The following CCDC27 variants were observed in gnomAD, a reference collection of about 807,000 sequenced individuals.
CCDC27 encodes coiled-coil domain-containing protein 27.
A neutral mutation model predicts 80.3 loss-of-function variants in CCDC27; 80 were observed. The ratio of observed to expected loss-of-function variants is 1.00; its 90% CI spans 0.83 to 1.20. The LOEUF is 1.20. CCDC27 is among the 50% of genes most tolerant of loss of function. The pLI is 0.00. For missense variants in CCDC27, 815 were observed against 809.4 expected, an observed-to-expected ratio of 1.01 and a Z score of -0.08; for synonymous variants, 342 against 334.3, an observed-to-expected ratio of 1.02 and a Z score of -0.25.
rs570867373 is a variant in CCDC27 at position 3,769,349 on chromosome 1, C to T, written c.1744-434C>T. ...CATGGAAAGGAGGAAGCACCAGCAG[C>T]GCACTGTTAAATGCCTAAAGTGAGA... On this transcript the variant is annotated intron_variant, in intron 10 of 11. Transcript: ENST00000294600. The surrounding 1 kb of genome is among the most constrained non-coding windows in gnomAD (Gnocchi z 4.6). Among the ~76,000 whole-genome samples the T allele has an allele frequency of 3.3e-5, 5 of 152,258 alleles. No homozygotes were observed. Among genetic ancestry groups the T allele is most frequent in the African/African-American group, 9.6e-5 (4 of 41,552 alleles).
chr1:3,767,398 C>T lies in CCDC27; in HGVS notation c.1696C>T (p.Gln566Ter). Residue 566 changes from glutamine to a stop codon, truncating the protein, a stop_gained, in exon 10 of 12, where the codon CAG (glutamine) becomes TAG (stop). Coordinates refer to ENST00000294600, the MANE Select transcript of CCDC27 (RefSeq NM_152492.3). LOFTEE classifies it high-confidence loss of function. ...GCAGAGCAAGAAGGAGATGATTCAG[C>T]AGGCAGAGCAGCACACCCGCGTGGC... ...DLQSKKEMIQ[Q>*]AEQHTRVALE... is the part of the protein sequence containing the mutation. The T allele has an allele frequency of 1.2e-6, 2 of 1,613,624 alleles. No individual in the cohort carries two copies. The highest frequency in any genetic ancestry group is 1.7e-6 in the Non-Finnish European group (2 of 1,180,022).
chr1:3,763,913 CAGGCGCTG>C lies in CCDC27; in HGVS notation c.1452+78_1452+85del. 1 of 1,551,542 alleles carries C rather than the reference CAGGCGCTG, an allele frequency of 6.4e-7. No individual in the cohort carries two copies. On this transcript the variant is annotated intron_variant, in intron 8 of 11. Transcript: ENST00000294600. The surrounding 1 kb of genome is among the most constrained non-coding windows in gnomAD (Gnocchi z 7.5). ...TTCATTAACCCCCGGCAGCTCGGGG[CAGGCGCTG>C]CCCGTCCCATCTACTGATGGAGACT...
Position 3,752,474 on chromosome 1 carries a change from G to T in CCDC27, c.-8G>T. ...TGATCTCCTCCCACTGCACCAGCCA[G>T]CAGGTTCATGTTCGAGGCCATCTTC... On this transcript the variant is annotated 5_prime_UTR_variant, in exon 1 of 12. Transcript: ENST00000294600. 1 of 1,613,020 alleles carries T rather than the reference G, an allele frequency of 6.2e-7. No individual in the cohort carries two copies. Among genetic ancestry groups the T allele is most frequent in the South Asian group, 1.1e-5 (1 of 91,050 alleles).
In CCDC27 at chr1:3,769,757, T is replaced by C; in HGVS notation, c.1744-26T>C. The C allele has an allele frequency of 6.4e-7, 1 of 1,566,778 alleles. No homozygotes were observed. Among genetic ancestry groups the C allele is most frequent in the South Asian group, 1.1e-5 (1 of 90,160 alleles). On this transcript the variant is annotated intron_variant, in intron 10 of 11. Transcript: ENST00000294600. The surrounding 1 kb of genome is among the most constrained non-coding windows in gnomAD (Gnocchi z 4.6). The stretch of plus-strand genomic sequence containing the variant: ...AGGTGCCTTCTTGGGTAAAGGCGAA[T>C]GATAGTGTTGTCCCTTTGCTCACAG...
chr1:3,759,206 G>T (rs1643031541), intron 4 of CCDC27, among the ~76,000 whole-genome samples: 1 of 147,774 alleles, frequency 6.8e-6, no homozygotes, highest in African/African-American at 2.5e-5. Context: ...GACAGTGCAA[G>T]ACTTTGTCTC....
In CCDC27 at chr1:3,766,568, G is replaced by A. The variant is rs1643231578; in HGVS notation, c.1486G>A (p.Glu496Lys). 1.9e-6 allele frequency: 3 copies of A among 1,613,954 alleles called. No homozygotes were observed. The highest frequency in any genetic ancestry group is 1.3e-5 in the African/African-American group (1 of 74,994). Residue 496 changes from glutamate to lysine, a missense_variant, in exon 9 of 12, where the codon GAG (glutamate) becomes AAG (lysine). Physicochemically the swap from Glu to Lys is moderately conservative, Grantham distance 56. Transcript: ENST00000294600. The surrounding 1 kb of genome is among the most constrained non-coding windows in gnomAD (Gnocchi z 6.1). The stretch of plus-strand genomic sequence containing the variant: ...CCTCCGAGAAGATAAGAAACACCAA[G>A]AGATGATGGGGCTCATTGAAAAGGA... ...SNLREDKKHQ[E>K]MMGLIEKDNQ...
rs546900716 is a variant in CCDC27 at position 3,759,196 on chromosome 1, G to A, written c.712-2085G>A. ...CGAGCCACTGCACGCCAGCCCAGGCGACAGTGCAAGACTTTGTCTCAAAAA... is the reference window on the plus strand; with the variant it reads ...CGAGCCACTGCACGCCAGCCCAGGCAACAGTGCAAGACTTTGTCTCAAAAA... On this transcript the variant is annotated intron_variant, in intron 4 of 11. Coordinates refer to ENST00000294600, the MANE Select transcript of CCDC27 (RefSeq NM_152492.3). Among the ~76,000 whole-genome samples, 12 of 150,740 alleles carry A rather than the reference G, an allele frequency of 8.0e-5. No homozygotes were observed. The South Asian group carries it at 8.4e-4, about 11-fold the overall frequency.
Position 3,763,029 on chromosome 1 carries a change from C to T in CCDC27, c.955-79C>T. The T allele has an allele frequency of 1.4e-6, 2 of 1,419,594 alleles. No individual in the cohort carries two copies. The highest frequency in any genetic ancestry group is 1.8e-6 in the Non-Finnish European group (2 of 1,082,744). The allele number at this position is 1,419,594 out of a possible 1,614,324, so 87.9% of individuals were successfully genotyped here. The stretch of plus-strand genomic sequence containing the variant: ...TGGAAGGAGGCGCCCTCCCCGGTGC[C>T]CCCGCCATGAGCATTAGAGCCCTCT... On this transcript the variant is annotated intron_variant, in intron 6 of 11. Transcript: ENST00000294600. This position sits in a 1 kb window ranked among gnomAD's most constrained non-coding sequence, Gnocchi z 7.5.
chr1:3,764,852 A>G (rs1489764020), intron 8 of CCDC27, among the ~76,000 whole-genome samples: 3 of 152,120 alleles, frequency 2.0e-5, no homozygotes, highest in African/African-American at 7.2e-5. Flanking sequence ...CCTGACCAAT[A>G]TGGTGAAACC....
chr1:3,756,606 G>A, intron 3 of CCDC27, 127 bp from the exon 4 acceptor site: 1 of 940,670 alleles, frequency 1.1e-6, no homozygotes, highest in Non-Finnish European at 1.7e-6. Flanking sequence ...AGACAGATTG[G>A]AGTCTGTCTG....
At chr1:3,757,649 G>A (rs944147623) in intron 4 of CCDC27, among the ~76,000 whole-genome samples, 1 of 152,082 alleles carries the variant, frequency 6.6e-6, no homozygotes, top group East Asian at 1.9e-4. Context: ...CCGGCCAGGC[G>A]AGGTGGCTCA....
intron 3 of CCDC27, 146 bp from the exon 4 acceptor site, chr1:3,756,585 CAA>C (rs35440871): frequency 0.23 from 183,092 of 806,050 alleles, 22,437 homozygotes; most frequent in Middle Eastern, 0.29. Flanking sequence ...ATGAGGGTGA[CAA>C]GAGTTAGGAG....
Position 3,766,425 on chromosome 1 carries a change from G to T in CCDC27, c.1453-110G>T. On this transcript the variant is annotated intron_variant, in intron 8 of 11. Coordinates refer to ENST00000294600, the MANE Select transcript of CCDC27 (RefSeq NM_152492.3). This position sits in a 1 kb window ranked among gnomAD's most constrained non-coding sequence, Gnocchi z 6.1. ...TCTCCCTGCCTTCAATAGAAATCCCGCTGCTATTATTTTAGGGAGCTTTGG... is the reference window on the plus strand; with the variant it reads ...TCTCCCTGCCTTCAATAGAAATCCCTCTGCTATTATTTTAGGGAGCTTTGG... 3.0e-6 allele frequency: 2 copies of T among 656,556 alleles called. No individual in the cohort carries two copies. The allele number at this position is 656,556 out of a possible 1,614,324, so 40.7% of individuals were successfully genotyped here.
At chr1:3,756,917 G>C (rs72846558) in intron 4 of CCDC27, 27 bp downstream of exon 4, 1 of 1,598,348 alleles carries the variant, frequency 6.3e-7, no homozygotes, top group Non-Finnish European at 8.5e-7. Context: ...TGCAAATCCC[G>C]GCCCCCCACC....
intron 2 of CCDC27, 121 bp downstream of exon 2, chr1:3,754,362 C>T: frequency 7.9e-7 from 1 of 1,268,342 alleles, no homozygotes; most frequent in Non-Finnish European, 1.1e-6. Flanking sequence ...ACAGTGGCCC[C>T]AGCTGCTGCT....
intron 2 of CCDC27, among the ~76,000 whole-genome samples, chr1:3,754,788 A>G (rs993758458): frequency 7.8e-6 from 1 of 128,810 alleles, no homozygotes; most frequent in Non-Finnish European, 1.6e-5. Context: ...CACACAAGAC[A>G]CCATTCTTAG....
rs1340528249 is a variant in CCDC27, at chr1:3,761,256, G to C, written c.712-25G>C. 2 of 1,611,068 alleles carry C rather than the reference G, an allele frequency of 1.2e-6. No homozygotes were observed. Among genetic ancestry groups the C allele is most frequent in the Admixed American group, 3.3e-5 (2 of 59,872 alleles). On this transcript the variant is annotated intron_variant, in intron 4 of 11. Coordinates refer to ENST00000294600, the MANE Select transcript of CCDC27 (RefSeq NM_152492.3). This position sits in a 1 kb window ranked among gnomAD's most constrained non-coding sequence, Gnocchi z 5.0. ...GAGTGTGTGGCTGCATGGCCCACGG[G>C]GGCTGCCCTTGGTTTTCTGCCCAGG...
At chr1:3,758,770 G>C (rs1412632662) in intron 4 of CCDC27, among the ~76,000 whole-genome samples, 1 of 151,846 alleles carries the variant, frequency 6.6e-6, no homozygotes, top group South Asian at 2.1e-4. Context: ...AATTTTTTTC[G>C]TTTTTTTGTG....
At position 3,768,651 on chromosome 1, in the gene CCDC27, A is replaced by C. The variant is rs1369134032; in HGVS notation, c.1744-1132A>C. On this transcript the variant is annotated intron_variant, in intron 10 of 11. Coordinates refer to ENST00000294600, the MANE Select transcript of CCDC27 (RefSeq NM_152492.3). The surrounding 1 kb of genome is among the most constrained non-coding windows in gnomAD (Gnocchi z 5.6). ...GTCTAGGTGTGTCCATTTGTGCGCC[A>C]GCCTGCACTGACCTGGTGGAGCCTG... is the stretch of plus-strand genomic sequence containing the variant. Among the ~76,000 whole-genome samples, 1 of 152,152 alleles carries C rather than the reference A, an allele frequency of 6.6e-6. No homozygotes were observed.
Sources: allele counts gnomAD v4.1 joint callset (sites outside exome capture counted in the v4.1 genomes callset), GRCh38; gene constraint gnomAD v4.1.1; non-coding constraint Gnocchi (gnomAD v3.1); transcripts MANE v1.5; gene names NCBI Gene and HGNC (gene_info 2026-07-23, HGNC 2026-07-21).